The following TMPRSS11F variants were observed in gnomAD, a reference collection of about 807,000 sequenced individuals.
TMPRSS11F encodes the protein transmembrane protease serine 11F.
Under a neutral mutation model 60.2 loss-of-function variants are expected in TMPRSS11F, and 47 were observed. The observed-to-expected ratio is 0.78, with a 90% CI of 0.62 to 1.00. The LOEUF is 1.00. Ranked by LOEUF, TMPRSS11F falls within the 50% of genes least tolerant of loss-of-function variation. The pLI, the probability that TMPRSS11F is intolerant of heterozygous loss-of-function variation, is 0.00. For missense variants in TMPRSS11F, 519 were observed against 522.9 expected (o/e 0.99, Z 0.07); for synonymous variants, 166 against 167.3 (o/e 0.99, Z 0.06).
At chr4:68,083,835 G>A (rs1723754798) in intron 3 of TMPRSS11F, among the ~76,000 whole-genome samples, 2 of 152,060 alleles carry the variant, frequency 1.3e-5, no homozygotes, top group Non-Finnish European at 2.9e-5. Context: ...TAACCAGACT[G>A]AAAAGACTGA....
intron 1 of TMPRSS11F, among the ~76,000 whole-genome samples, chr4:68,121,440 A>G (rs1384346933): frequency 6.6e-6 from 1 of 152,192 alleles, no homozygotes; most frequent in Non-Finnish European, 1.5e-5. Context: ...TGCTATTCCT[A>G]GAAATAATTC....
intron 1 of TMPRSS11F, among the ~76,000 whole-genome samples, chr4:68,117,586 A>G (rs1484511932): frequency 1.3e-5 from 2 of 152,064 alleles, no homozygotes; most frequent in Admixed American, 1.3e-4. Flanking sequence ...CCTAATTATC[A>G]GGAAAATGCA....
At chr4:68,095,130 TTA>T (rs368414814) in intron 2 of TMPRSS11F, among the ~76,000 whole-genome samples, 5 of 150,300 alleles carry the variant, frequency 3.3e-5, no homozygotes, top group Middle Eastern at 3.5e-3. Flanking sequence ...AGGCAGCATT[TTA>T]TATATATATA....
rs138888839 is a variant in TMPRSS11F, at chr4:68,101,675, G to A, written c.12-2637C>T. Reference sequence around the variant, plus strand: ...ACCCGAATGAGTTGGATGCTAAATGGAACCTTTCAACAGCATTTTTTTAGA... The same window carrying A: ...ACCCGAATGAGTTGGATGCTAAATGAAACCTTTCAACAGCATTTTTTTAGA... On this transcript the variant is annotated intron_variant, in intron 1 of 9. Transcript: ENST00000356291. 5.9e-3 allele frequency among the ~76,000 whole-genome samples: 892 copies of A among 152,162 alleles called. 9 individuals are homozygous for A. Among genetic ancestry groups the A allele is most frequent in the Non-Finnish European group, 0.01 (682 of 67,982 alleles).
intron 3 of TMPRSS11F, among the ~76,000 whole-genome samples, chr4:68,087,610 A>G (rs566292206): frequency 2.3e-4 from 34 of 149,036 alleles, no homozygotes; most frequent in African/African-American, 8.1e-4. Context: ...GTATAGAAAC[A>G]AAGACTTCAC....
At chr4:68,075,398 T>C (rs1420448926) in intron 3 of TMPRSS11F, among the ~76,000 whole-genome samples, 1 of 152,104 alleles carries the variant, frequency 6.6e-6, no homozygotes, top group East Asian at 1.9e-4. Context: ...CTGAGTATAT[T>C]AGACCCTGCC....
rs561398962 is a variant in TMPRSS11F at position 68,070,939 on chromosome 4, G to A, written c.515-932C>T. Among the ~76,000 whole-genome samples the A allele has an allele frequency of 1.7e-3, 252 of 152,242 alleles. 1 individual carries two copies. Among genetic ancestry groups the A allele is most frequent in the African/African-American group, 5.9e-3 (245 of 41,550 alleles). On this transcript the variant is annotated intron_variant, in intron 5 of 9. Transcript: ENST00000356291. ...AGTTAAATCTTCATTATTGAGCATG[G>A]TCAGAGAATTTAGTTATTTTGGTAT...
At chr4:68,117,992 T>A (rs1326437684) in intron 1 of TMPRSS11F, among the ~76,000 whole-genome samples, 9 of 152,160 alleles carry the variant, frequency 5.9e-5, no homozygotes, top group African/African-American at 2.2e-4. Context: ...CTCTGAATAT[T>A]GTTGTGTCCC....
At chr4:68,104,725 T>G (rs1366237365) in intron 1 of TMPRSS11F, among the ~76,000 whole-genome samples, 3 of 152,188 alleles carry the variant, frequency 2.0e-5, no homozygotes, top group East Asian at 3.8e-4. Context: ...TATCAAGAAA[T>G]AATGTTGAAC....
At chr4:68,122,971 A>G (rs1724650648) in intron 1 of TMPRSS11F, among the ~76,000 whole-genome samples, 1 of 152,202 alleles carries the variant, frequency 6.6e-6, no homozygotes, top group African/African-American at 2.4e-5. Flanking sequence ...TGCCTTTACT[A>G]TGTTCCTTGA....
chr4:68,113,644 A>T (rs1308907385), intron 1 of TMPRSS11F, among the ~76,000 whole-genome samples: 1 of 152,182 alleles, frequency 6.6e-6, no homozygotes, highest in Non-Finnish European at 1.5e-5. Flanking sequence ...ACTCGAAGCA[A>T]ATACTGTTAT....
At chr4:68,067,767 T>A (rs1279027266) in intron 7 of TMPRSS11F, among the ~76,000 whole-genome samples, 1 of 152,218 alleles carries the variant, frequency 6.6e-6, no homozygotes, top group East Asian at 1.9e-4. Flanking sequence ...CTTAGAAGGA[T>A]GATAAAGCAC....
At chr4:68,088,163 A>T (rs897870978) in intron 3 of TMPRSS11F, among the ~76,000 whole-genome samples, 25 of 152,052 alleles carry the variant, frequency 1.6e-4, no homozygotes, top group Non-Finnish European at 3.1e-4. Context: ...ATGTGCAGAG[A>T]CACACATAGG....
intron 1 of TMPRSS11F, among the ~76,000 whole-genome samples, chr4:68,113,214 A>C (rs565554630): frequency 1.3e-5 from 2 of 152,314 alleles, no homozygotes; most frequent in East Asian, 3.9e-4. Flanking sequence ...GAAATGAGAA[A>C]CGTGTTATTG....
intron 4 of TMPRSS11F, among the ~76,000 whole-genome samples, chr4:68,073,706 CCT>C (rs1387283739): frequency 6.6e-6 from 1 of 152,138 alleles, no homozygotes; most frequent in Non-Finnish European, 1.5e-5. Flanking sequence ...GTGTCATTCC[CCT>C]GTTTCTTGTG....
At chr4:68,119,729 C>T (rs1724586834) in intron 1 of TMPRSS11F, among the ~76,000 whole-genome samples, 2 of 152,200 alleles carry the variant, frequency 1.3e-5, no homozygotes, top group Admixed American at 1.3e-4. Context: ...CAATGCATAT[C>T]GGGTCACCCC....
At chr4:68,129,044 G>A (rs1326218584) in intron 1 of TMPRSS11F, among the ~76,000 whole-genome samples, 1 of 152,130 alleles carries the variant, frequency 6.6e-6, no homozygotes, top group Admixed American at 6.6e-5. Flanking sequence ...GAACATGTGG[G>A]AAATTTGTGT....
chr4:68,057,636 A>G (rs985038811), intron 9 of TMPRSS11F, among the ~76,000 whole-genome samples: 7 of 152,230 alleles, frequency 4.6e-5, no homozygotes, highest in African/African-American at 1.7e-4. Flanking sequence ...TCCAAAATAT[A>G]TAAAGAAGTT....
intron 8 of TMPRSS11F, chr4:68,062,839 C>G: frequency 1.3e-6 from 1 of 772,608 alleles, no homozygotes; most frequent in Admixed American, 1.7e-5. Context: ...GTAGAGTTAA[C>G]TTAACATATG....
Sources: gnomAD v4.1 joint callset for allele counts (sites outside exome capture counted in the v4.1 genomes callset) on GRCh38, gnomAD v4.1.1 for gene constraint, MANE v1.5 for transcripts, NCBI Gene and HGNC (gene_info 2026-07-23, HGNC 2026-07-21) for gene names.